TMCO4: variants seen among roughly 807,000 people sequenced by gnomAD.
TMCO4 encodes transmembrane and coiled-coil domain-containing protein 4.
A neutral mutation model predicts 64.7 loss-of-function variants in TMCO4; 58 were observed. The observed-to-expected ratio is 0.90, with a 90% confidence interval of 0.73 to 1.12. The LOEUF (loss-of-function observed/expected upper bound fraction) is 1.12, where lower values mean the gene tolerates loss of function less well. TMCO4 is among the 50% of genes most tolerant of loss of function. The pLI is 0.00. For synonymous variants in TMCO4, 325 were observed against 346.1 expected (o/e 0.94, Z 0.68); for missense variants, 780 against 825.9 (o/e 0.94, Z 0.68).
At chr1:19,708,383 T>A (rs374807681) in intron 13 of TMCO4, among the ~76,000 whole-genome samples, 191 of 142,806 alleles carry the variant, frequency 1.3e-3, no homozygotes, top group Middle Eastern at 7.2e-3. Context: ...CTTAGCTTTT[T>A]AAAAAAAAAA....
intron 4 of TMCO4, among the ~76,000 whole-genome samples, chr1:19,773,397 G>T (rs1208781301): frequency 6.6e-6 from 1 of 152,138 alleles, no homozygotes; most frequent in East Asian, 1.9e-4. Context: ...CCTGCAGGGA[G>T]TTCTAAAGAT....
chr1:19,761,365 G>A (rs1439841755), intron 6 of TMCO4, among the ~76,000 whole-genome samples: 1 of 152,154 alleles, frequency 6.6e-6, no homozygotes, highest in Non-Finnish European at 1.5e-5. Flanking sequence ...CATGATCAAT[G>A]GGTGCTGCAA....
intron 4 of TMCO4, among the ~76,000 whole-genome samples, chr1:19,774,978 G>GCCA (rs2043145608): frequency 6.6e-6 from 1 of 152,144 alleles, no homozygotes; most frequent in Non-Finnish European, 1.5e-5. Flanking sequence ...CCATGCACGG[G>GCCA]CCACTCACTG....
intron 6 of TMCO4, among the ~76,000 whole-genome samples, chr1:19,758,332 A>T (rs2042356454): frequency 6.6e-6 from 1 of 152,192 alleles, no homozygotes; most frequent in Non-Finnish European, 1.5e-5. Context: ...TTCCATGGAA[A>T]AAAGGAGCTC....
intron 15 of TMCO4, among the ~76,000 whole-genome samples, chr1:19,692,590 AAAAAG>A (rs1176783902): frequency 4.0e-5 from 6 of 151,520 alleles, no homozygotes; most frequent in African/African-American, 1.5e-4. Context: ...AAAAAAAAAA[AAAAAG>A]AATTAGATGG....
rs1553142669 is a variant in TMCO4 at position 19,748,834 on chromosome 1, G to GAATGAATGAATGAA, written c.516-1575_516-1574insTTCATTCATTCATT. Among the ~76,000 whole-genome samples, 20 of 141,290 alleles carry GAATGAATGAATGAA rather than the reference G, an allele frequency of 1.4e-4. 1 individual carries two copies. The highest frequency in any genetic ancestry group is 9.7e-4 in the East Asian group (5 of 5,132). 92.7% of individuals were successfully genotyped at this position (141,290 alleles called of 152,430 possible). ...GTGAGACCCTGTCTCGAATGAATGAGTGAATGAATGAATGAATGAATGAAA... is the reference window on the plus strand; with the variant it reads ...GTGAGACCCTGTCTCGAATGAATGAGAATGAATGAATGAATGAATGAATGAATGAATGAATGAAA... On this transcript the variant is annotated intron_variant, in intron 7 of 15. Transcript: ENST00000294543.
intron 2 of TMCO4, among the ~76,000 whole-genome samples, chr1:19,790,025 C>G (rs1387369045): frequency 2.0e-5 from 3 of 149,166 alleles, no homozygotes; most frequent in African/African-American, 7.5e-5. Flanking sequence ...TGGACTCCAG[C>G]CTGGGTGACA....
At chr1:19,775,751 G>A (rs2043177931) in intron 4 of TMCO4, among the ~76,000 whole-genome samples, 1 of 152,170 alleles carries the variant, frequency 6.6e-6, no homozygotes, top group South Asian at 2.1e-4. Context: ...TTAATTAAAG[G>A]GAACAGCATC....
At chr1:19,755,581 T>C (rs2042209905) in intron 7 of TMCO4, 53 bp downstream of exon 7, 1 of 1,608,736 alleles carries the variant, frequency 6.2e-7, no homozygotes, top group East Asian at 2.2e-5. Flanking sequence ...ATCTGCAAAG[T>C]ACACTGAAGT....
rs1471525500 is a variant in TMCO4, at chr1:19,743,004, C to G, written c.878-2063G>C. ...GGCGGAGGTTGCAGTGAGCCAAGAT[C>G]GCGCCACTGCACTCCAGCCTGGTGA... On this transcript the variant is annotated intron_variant, in intron 10 of 15. Coordinates refer to ENST00000294543, the MANE Select transcript of TMCO4 (RefSeq NM_181719.7). The surrounding 1 kb of genome is among the most constrained non-coding windows in gnomAD (Gnocchi z 4.1). 6.6e-6 allele frequency among the ~76,000 whole-genome samples: 1 copy of G among 151,994 alleles called. No individual in the cohort carries two copies. The highest frequency in any genetic ancestry group is 1.5e-5 in the Non-Finnish European group (1 of 68,016).
At chr1:19,712,815 A>G (rs2095337486) in intron 13 of TMCO4, among the ~76,000 whole-genome samples, 1 of 152,204 alleles carries the variant, frequency 6.6e-6, no homozygotes, top group African/African-American at 2.4e-5. Context: ...AAACCATCCC[A>G]GAACTCAGTG....
chr1:19,700,671 A>G (rs2095265884), intron 14 of TMCO4, 97 bp downstream of exon 14: 1 of 1,120,260 alleles, frequency 8.9e-7, no homozygotes, highest in East Asian at 2.4e-5. Flanking sequence ...CAGGACAGGG[A>G]TTAGGTCTCA....
intron 6 of TMCO4, among the ~76,000 whole-genome samples, chr1:19,766,107 C>G (rs1265562481): frequency 6.6e-6 from 1 of 152,230 alleles, no homozygotes; most frequent in Non-Finnish European, 1.5e-5. Flanking sequence ...TGCTGCTCAG[C>G]ATCTAAGCTC....
chr1:19,747,305 T>C, intron 7 of TMCO4, 45 bp from the exon 8 acceptor site: 5 of 1,550,270 alleles, frequency 3.2e-6, no homozygotes, highest in Non-Finnish European at 4.4e-6. Context: ...GTGCCCAGGA[T>C]CCCTTGAGAC....
At position 19,757,470 on chromosome 1, in the gene TMCO4, C is replaced by T. The variant is rs150282102; in HGVS notation, c.383-1704G>A. On this transcript the variant is annotated intron_variant, in intron 6 of 15. Coordinates refer to ENST00000294543, the MANE Select transcript of TMCO4 (RefSeq NM_181719.7). The stretch of plus-strand genomic sequence containing the variant: ...CTATCTGGAAAGCCCAGGATAGCTT[C>T]CCCATCCCAAGATTCTTAATGTAAT... Among the ~76,000 whole-genome samples, 154 of 152,248 alleles carry T rather than the reference C, an allele frequency of 1.0e-3. 1 individual carries two copies. Among genetic ancestry groups the T allele is most frequent in the African/African-American group, 3.5e-3 (144 of 41,558 alleles).
At position 19,730,668 on chromosome 1, in the gene TMCO4, A is replaced by G. The variant is rs2095426419; in HGVS notation, c.1264+6704T>C. Among the ~76,000 whole-genome samples, 5 of 152,264 alleles carry G rather than the reference A, an allele frequency of 3.3e-5. 1 individual carries two copies. In the South Asian group the frequency reaches 1.0e-3, roughly 32 times the overall value. ...AAGGGTGGTGATCCCTAGAGGAGCC[A>G]CCCCTGGTGTTTGCAGAATCACCCC... On this transcript the variant is annotated intron_variant, in intron 13 of 15. Transcript: ENST00000294543.
At chr1:19,744,970 C>T (rs1403308915) in intron 10 of TMCO4, among the ~76,000 whole-genome samples, 2 of 151,852 alleles carry the variant, frequency 1.3e-5, no homozygotes, top group East Asian at 1.9e-4. Flanking sequence ...TTATAAATAC[C>T]GCTACATGGA....
rs565363553 is a variant in TMCO4 at position 19,754,953 on chromosome 1, GCCACCCGC to G, written c.515+673_515+680del. Among the ~76,000 whole-genome samples the G allele has an allele frequency of 8.7e-4, 132 of 152,050 alleles. 1 individual carries two copies. The highest frequency in any genetic ancestry group is 3.1e-3 in the African/African-American group (129 of 41,476). On this transcript the variant is annotated intron_variant, in intron 7 of 15. Coordinates refer to ENST00000294543, the MANE Select transcript of TMCO4 (RefSeq NM_181719.7). ...GAACATTGCAGCTTAAAAAAGCAAG[GCCACCCGC>G]CCAATGTCAAGCAGTGGACAGGTAT...
chr1:19,695,578 G>A lies in TMCO4; in HGVS notation c.1383-1027C>T, dbSNP rs112359312. Among the ~76,000 whole-genome samples the A allele has an allele frequency of 8.5e-3, 1,291 of 152,332 alleles. 17 individuals carry two copies. Among genetic ancestry groups the A allele is most frequent in the African/African-American group, 0.03 (1,243 of 41,566 alleles). Reference sequence around the variant, plus strand: ...TCCCTCACTGTAGAGGGATAAGAATGGCTGAGAGATAGGAGGCTGGGGTTG... The same window carrying A: ...TCCCTCACTGTAGAGGGATAAGAATAGCTGAGAGATAGGAGGCTGGGGTTG... On this transcript the variant is annotated intron_variant, in intron 14 of 15. Coordinates refer to ENST00000294543, the MANE Select transcript of TMCO4 (RefSeq NM_181719.7).
Sources: gnomAD v4.1 joint callset for allele counts (sites outside exome capture counted in the v4.1 genomes callset) on GRCh38, gnomAD v4.1.1 for gene constraint, Gnocchi (gnomAD v3.1) non-coding constraint, MANE v1.5 for transcripts, NCBI Gene and HGNC (gene_info 2026-07-23, HGNC 2026-07-21) for gene names.